GATA2: variants seen among roughly 807,000 people sequenced by gnomAD.
The protein encoded by GATA2 is endothelial transcription factor GATA-2.
GATA2 carries 6 observed loss-of-function variants against 35.7 expected under a neutral mutation model. The ratio of observed to expected loss-of-function variants is 0.17; its 90% CI spans 0.09 to 0.33. The LOEUF is 0.33. Among genes scored for constraint, GATA2 ranks in the 10% least tolerant of loss-of-function variants. The pLI is 1.00. For synonymous variants in GATA2, 313 were observed against 274.9 expected (o/e 1.14, Z -1.37); for missense variants, 541 against 656.6 (o/e 0.82, Z 1.92).
chr3:128,483,070 C>G (rs1329530191), intron 4 of GATA2, among the ~76,000 whole-genome samples: 1 of 152,246 alleles, frequency 6.6e-6, no homozygotes, highest in Non-Finnish European at 1.5e-5. Context: ...CCACCTCTAC[C>G]CCCACCCGGG....
intron 4 of GATA2, among the ~76,000 whole-genome samples, chr3:128,482,957 C>T (rs556310433): frequency 7.2e-5 from 11 of 152,316 alleles, no homozygotes; most frequent in Non-Finnish European, 1.2e-4. Flanking sequence ...CAGGCCCAAG[C>T]CTGGTCACAG....
At chr3:128,491,846 T>C (rs1483635295) in intron 1 of GATA2, among the ~76,000 whole-genome samples, 1 of 152,154 alleles carries the variant, frequency 6.6e-6, no homozygotes, top group Non-Finnish European at 1.5e-5. Flanking sequence ...CGGGCCGTGC[T>C]TCTCCCTCCT....
intron 4 of GATA2, 94 bp from the exon 5 acceptor site, chr3:128,482,038 C>T: frequency 6.6e-7 from 1 of 1,523,136 alleles, no homozygotes; most frequent in East Asian, 2.3e-5. Context: ...CCCACCAGCT[C>T]AGTCAAGGAG....
At position 128,486,071 on chromosome 3, in the gene GATA2, G is replaced by A. The variant is rs750157738; in HGVS notation, c.527C>T (p.Thr176Met). 1 of 1,614,026 alleles carries A rather than the reference G, an allele frequency of 6.2e-7. No individual in the cohort carries two copies. Among genetic ancestry groups the A allele is most frequent in the East Asian group, 2.2e-5 (1 of 44,874 alleles). The change falls in exon 3 of 6, where the codon ACG (threonine) becomes ATG (methionine). Residue 176 changes from threonine to methionine, a missense_variant. Coordinates refer to ENST00000341105, the MANE Select transcript of GATA2 (RefSeq NM_032638.5). The stretch of plus-strand genomic sequence containing the variant: ...GTCAGGAGACACTTCTTTGGGTGGC[G>A]TGGGTGGGAAGCCGAAAAGGTGGGA... Reference protein sequence around the residue: ...SGSHLFGFPPTPPKEVSPDPS... With the variant: ...SGSHLFGFPPMPPKEVSPDPS...
At chr3:128,486,653 C>A in intron 2 of GATA2, 150 bp downstream of exon 2, 1 of 888,110 alleles carries the variant, frequency 1.1e-6, no homozygotes, top group Non-Finnish European at 1.7e-6. Context: ...CCTCCCCAAT[C>A]GGCCGCTGCT....
At chr3:128,489,560 G>A (rs1230900852) in intron 1 of GATA2, 1 of 152,166 alleles carries the variant, frequency 6.6e-6, no homozygotes, top group East Asian at 1.9e-4. Flanking sequence ...GGTCTGCTCG[G>A]AACTCCACTC....
At chr3:128,485,680 A>T (rs760213872) in intron 3 of GATA2, 47 bp downstream of exon 3, 2 of 1,598,904 alleles carry the variant, frequency 1.3e-6, no homozygotes, top group Non-Finnish European at 1.7e-6. Context: ...CACCACAAAA[A>T]CGCAAATGCT....
Position 128,485,777 on chromosome 3 carries a change from G to C in GATA2, c.821C>G (p.Pro274Arg). 4 of 1,613,932 alleles carry C rather than the reference G, an allele frequency of 2.5e-6. No homozygotes were observed. The highest frequency in any genetic ancestry group is 3.4e-6 in the Non-Finnish European group (4 of 1,179,980). ...CTGCTTAGGGGTGAAGCTGGAGGCC[G>C]GTCCCCCCAGGAAGCCTCCGGGGTG... ...LFHPGGFLGG[P>R]ASSFTPKQRS... The change falls in exon 3 of 6, where the codon CCG becomes CGG. Residue 274 changes from proline (P) to arginine (R), a missense_variant. Physicochemically the swap from Pro to Arg is moderately radical, Grantham distance 103 (BLOSUM62 -2). Coordinates refer to ENST00000341105, the MANE Select transcript of GATA2 (RefSeq NM_032638.5).
Position 128,486,982 on chromosome 3 carries a change from A to T in GATA2, c.50T>A (p.Leu17Gln), listed in dbSNP as rs777965976. 1.2e-6 allele frequency: 2 copies of T among 1,609,232 alleles called. No homozygotes were observed. The highest frequency in any genetic ancestry group is 2.2e-5 in the East Asian group (1 of 44,726). Reference sequence around the variant, plus strand: ...GTGTGAGTCGGGGTGCTGCGCATTCAGCACGGCCGGGTGCGCCATCCAGCG... The same window carrying T: ...GTGTGAGTCGGGGTGCTGCGCATTCTGCACGGCCGGGTGCGCCATCCAGCG... The part of the protein sequence containing the change: ...QPRWMAHPAV[L>Q]NAQHPDSHHP... Residue 17 changes from leucine to glutamine, a missense_variant, in exon 2 of 6, where the codon CTG (leucine) becomes CAG (glutamine). By Grantham distance (113) the Leu-to-Gln change is moderately radical. This residue lies in a region of GATA2 where 389 missense variants were observed against 396.9 expected (regional missense o/e 0.98). Coordinates refer to ENST00000341105, the MANE Select transcript of GATA2 (RefSeq NM_032638.5).
At chr3:128,484,498 C>T (rs2068670256) in intron 3 of GATA2, among the ~76,000 whole-genome samples, 1 of 152,204 alleles carries the variant, frequency 6.6e-6, no homozygotes, top group Admixed American at 6.5e-5. Context: ...AGAAGCATTT[C>T]CCTCTTTCTC....
At chr3:128,482,190 TAC>T (rs1559985319) in intron 4 of GATA2, 3 of 556,796 alleles carry the variant, frequency 5.4e-6, no homozygotes, top group Non-Finnish European at 9.6e-6. Flanking sequence ...TTGCAAGAGC[TAC>T]AGAGGAGAAT....
At chr3:128,481,402 C>T in intron 5 of GATA2, 84 bp from the exon 6 acceptor site, 1 of 1,488,976 alleles carries the variant, frequency 6.7e-7, no homozygotes, top group Non-Finnish European at 9.3e-7. Context: ...GGACCAGAGG[C>T]AGGTCAAGCT....
At chr3:128,482,136 T>C (rs993211468) in intron 4 of GATA2, 192 bp from the exon 5 acceptor site, 3 of 719,836 alleles carry the variant, frequency 4.2e-6, no homozygotes, top group Non-Finnish European at 6.7e-6. Context: ...CACAGAACTT[T>C]GGAATAAAGA....
Position 128,484,013 on chromosome 3 carries a change from G to A in GATA2, c.872-8C>T, listed in dbSNP as rs758903954. The A allele has an allele frequency of 6.2e-7, 1 of 1,612,190 alleles. No individual in the cohort carries two copies. The highest frequency in any genetic ancestry group is 8.5e-7 in the Non-Finnish European group (1 of 1,179,548). ...TGACACACTCCCGGCCTTCTGCAGG[G>A]GAACAGGGAGAGACACGGGGGCCTG... On this transcript the variant is annotated splice_polypyrimidine_tract_variant and splice_region_variant and intron_variant, in intron 3 of 5. Coordinates refer to ENST00000341105, the MANE Select transcript of GATA2 (RefSeq NM_032638.5).
chr3:128,486,349 C>G lies in GATA2; in HGVS notation c.249G>C (p.Gln83His). 6.2e-7 allele frequency: 1 copy of G among 1,602,286 alleles called. No homozygotes were observed. Among genetic ancestry groups the G allele is most frequent in the Non-Finnish European group, 8.5e-7 (1 of 1,177,826 alleles). ...SPAHARLTGGQMCRPHLLHSP... is the reference protein window; with the variant it reads ...SPAHARLTGGHMCRPHLLHSP... Reference sequence around the variant, plus strand: ...TGTGCAACAAGTGTGGGCGGCACATCTGGCCTCCGGTCAGGCGGGCTGCGG... The same window carrying G: ...TGTGCAACAAGTGTGGGCGGCACATGTGGCCTCCGGTCAGGCGGGCTGCGG... The change falls in exon 3 of 6, where the codon CAG (glutamine) becomes CAC (histidine). Residue 83 changes from glutamine (Q) to histidine (H), a missense_variant. Transcript: ENST00000341105.
chr3:128,484,569 A>C (rs914285893), intron 3 of GATA2, among the ~76,000 whole-genome samples: 5 of 152,150 alleles, frequency 3.3e-5, no homozygotes, highest in African/African-American at 9.7e-5. Flanking sequence ...GAAATAATGG[A>C]TCGAAGTTGT....
At chr3:128,492,569 G>A (rs997967350) in intron 1 of GATA2, among the ~76,000 whole-genome samples, 5 of 152,228 alleles carry the variant, frequency 3.3e-5, no homozygotes, top group Non-Finnish European at 4.4e-5. Context: ...GTGGCCTGGG[G>A]ATTGGGGGCG....
rs190007569 is a variant in GATA2 at position 128,480,996 on chromosome 3, G to A, written c.*23C>T. On this transcript the variant is annotated 3_prime_UTR_variant, in exon 6 of 6. Transcript: ENST00000341105. Reference sequence around the variant, plus strand: ...TGGTCCACCCATCCCGGGAGTGCCCGGTCCTCGACGTCCATCTGTTCCCTA... The same window carrying A: ...TGGTCCACCCATCCCGGGAGTGCCCAGTCCTCGACGTCCATCTGTTCCCTA... The A allele has an allele frequency of 5.3e-4, 808 of 1,530,354 alleles. 4 individuals are homozygous for A. In the African/African-American group the frequency reaches 8.3e-3, roughly 16 times the overall value. 94.8% of individuals were successfully genotyped at this position (1,530,354 alleles called of 1,614,324 possible).
chr3:128,485,812 G>C lies in GATA2; in HGVS notation c.786C>G (p.Ser262Arg). 1 of 1,614,030 alleles carries C rather than the reference G, an allele frequency of 6.2e-7. No individual in the cohort carries two copies. Among genetic ancestry groups the C allele is most frequent in the Non-Finnish European group, 8.5e-7 (1 of 1,179,940 alleles). Residue 262 changes from serine (S) to arginine (R), a missense_variant, in exon 3 of 6, where the codon AGC becomes AGG. Around this residue, in one of 5 missense-constraint regions of GATA2, gnomAD observed 389 missense variants for 396.9 expected, o/e 0.98. Coordinates refer to ENST00000341105, the MANE Select transcript of GATA2 (RefSeq NM_032638.5). ...YVPAAAHDYS[S>R]GLFHPGGFLG... is the part of the protein sequence containing the mutation. ...GGAAGCCTCCGGGGTGGAAGAGTCC[G>C]CTGCTGTAGTCGTGGGCAGCCGCCG...
Sources: allele counts gnomAD v4.1 joint callset (sites outside exome capture counted in the v4.1 genomes callset), GRCh38; gene constraint gnomAD v4.1.1; regional missense constraint gnomAD v4.1.1; transcripts MANE v1.5; gene names NCBI Gene and HGNC (gene_info 2026-07-23, HGNC 2026-07-21).